Variants in CA1 observed in about 807,000 individuals in gnomAD.
The protein encoded by CA1 is carbonic anhydrase 1, also known as carbonate dehydratase I.
CA1 carries 27 observed loss-of-function variants against 28.8 expected under a neutral mutation model. That is an observed-to-expected ratio of 0.94 (90% confidence interval 0.69 to 1.29). The LOEUF (loss-of-function observed/expected upper bound fraction) is 1.29, where lower values mean the gene tolerates loss of function less well. Among genes scored for constraint, CA1 ranks in the 50% most tolerant of loss-of-function variants. The probability of loss-of-function intolerance (pLI) is 0.00; values close to 1 mark genes in which losing one functional copy is unlikely to be tolerated. For missense variants in CA1, 335 were observed against 310.5 expected (o/e 1.08, Z -0.59); for synonymous variants, 121 against 108.8 (o/e 1.11, Z -0.70).
At chr8:85,343,355 G>A (rs1374536198) in intron 1 of CA1, 1 of 152,192 alleles carries the variant, frequency 6.6e-6, no homozygotes, top group East Asian at 1.9e-4. Context: ...TTTAAACCTA[G>A]ATCTGTGTAA....
chr8:85,332,266 T>A (rs995365558), intron 6 of CA1: 4 of 491,618 alleles, frequency 8.1e-6, no homozygotes, highest in Non-Finnish European at 1.5e-5. Context: ...GGCCATATTC[T>A]GCTGAAATAA....
At chr8:85,366,933 C>A (rs182821306) in intron 1 of CA1, among the ~76,000 whole-genome samples, 1 of 152,022 alleles carries the variant, frequency 6.6e-6, no homozygotes, top group Admixed American at 6.6e-5. Context: ...TAAAAGATGA[C>A]AGATTGTTAA....
intron 1 of CA1, among the ~76,000 whole-genome samples, chr8:85,372,766 T>C (rs897893381): frequency 2.6e-5 from 4 of 152,180 alleles, no homozygotes; most frequent in African/African-American, 9.6e-5. Context: ...TGATGACATC[T>C]CACAGCATCC....
intron 4 of CA1, among the ~76,000 whole-genome samples, chr8:85,335,011 G>T (rs567206117): frequency 1.6e-5 from 1 of 62,438 alleles, no homozygotes; most frequent in African/African-American, 1.4e-4. Flanking sequence ...AATAAATAAC[G>T]ACAAAAAATA....
intron 2 of CA1, among the ~76,000 whole-genome samples, chr8:85,340,071 C>A (rs78030391): frequency 3.9e-5 from 6 of 152,206 alleles, no homozygotes; most frequent in Admixed American, 3.9e-4. Flanking sequence ...AAGGTGACTA[C>A]ACTAAACAAC....
In CA1 at chr8:85,349,254, G is replaced by A. The variant is rs188786629; in HGVS notation, c.-24-7595C>T. 4.1e-3 allele frequency among the ~76,000 whole-genome samples: 625 copies of A among 152,084 alleles called. 4 individuals carry two copies. Among genetic ancestry groups the A allele is most frequent in the African/African-American group, 0.014 (593 of 41,492 alleles). ...TTAATTTGTAACTTTTAAGAAGTTCGGAGGCTGAGAAAAACAAATATCAGT... is the reference window on the plus strand; with the variant it reads ...TTAATTTGTAACTTTTAAGAAGTTCAGAGGCTGAGAAAAACAAATATCAGT... On this transcript the variant is annotated intron_variant, in intron 1 of 7. Coordinates refer to ENST00000523022, the MANE Select transcript of CA1 (RefSeq NM_001128831.4).
rs139959399 is a variant in CA1, at chr8:85,328,663, C to A, written c.683G>T (p.Arg228Leu). The A allele has an allele frequency of 1.2e-6, 2 of 1,600,986 alleles. No individual in the cohort carries two copies. The highest frequency in any genetic ancestry group is 3.3e-5 in the Admixed American group (2 of 59,788). The change falls in exon 8 of 8, where the codon CGC (arginine) becomes CTC (leucine). Residue 228 changes from arginine (R) to leucine (L), a missense_variant. Transcript: ENST00000523022. ...ACCTTCAACATTTGATAGAAGGCTG[C>A]GGAATTGTGCCAGCTAGAAGGATAA... ...SVSSEQLAQF[R>L]SLLSNVEGDN...
chr8:85,357,462 G>T (rs1809645253), intron 1 of CA1, among the ~76,000 whole-genome samples: 1 of 152,150 alleles, frequency 6.6e-6, no homozygotes, highest in African/African-American at 2.4e-5. Context: ...TGTGGCGAGG[G>T]TTAATGATAA....
chr8:85,342,179 A>T (rs956274005), intron 1 of CA1, among the ~76,000 whole-genome samples: 2 of 152,092 alleles, frequency 1.3e-5, no homozygotes, highest in African/African-American at 4.8e-5. Flanking sequence ...ATTTATAATG[A>T]TACATTTTAT....
At position 85,329,833 on chromosome 8, in the gene CA1, G is replaced by A; in HGVS notation, c.525C>T (p.Ala175=). ...LQAIKTKGKR[A]PFTNFDPSTL... is the part of the protein sequence containing the mutation. ...TAGAGGGGTCAAAATTTGTGAATGG[G>A]GCTCGTTTGCCCTGGAAGAAAAGAA... The change falls in exon 7 of 8, where the codon GCC becomes GCT. Residue 175 remains alanine, a synonymous_variant. Coordinates refer to ENST00000523022, the MANE Select transcript of CA1 (RefSeq NM_001128831.4). The A allele has an allele frequency of 6.3e-7, 1 of 1,591,106 alleles. No individual in the cohort carries two copies. Among genetic ancestry groups the A allele is most frequent in the South Asian group, 1.1e-5 (1 of 88,188 alleles).
chr8:85,329,201 C>T (rs538565809), intron 7 of CA1, among the ~76,000 whole-genome samples: 5 of 152,058 alleles, frequency 3.3e-5, no homozygotes, highest in South Asian at 2.1e-4. Context: ...ATGTAAGGCA[C>T]GTAATAAACA....
intron 1 of CA1, among the ~76,000 whole-genome samples, chr8:85,368,162 T>G (rs1810081820): frequency 6.6e-6 from 1 of 151,468 alleles, no homozygotes; most frequent in African/African-American, 2.4e-5. Flanking sequence ...TTTAAAATAG[T>G]AATAATAATA....
rs748116696 is a variant in CA1, at chr8:85,329,723, A to G, written c.635T>C (p.Ile212Thr). 2.7e-5 allele frequency: 43 copies of G among 1,610,434 alleles called. No homozygotes were observed. Among genetic ancestry groups the G allele is most frequent in the Non-Finnish European group, 3.5e-5 (41 of 1,178,154 alleles). ...GCTGACACTGATGCTCTCCTTACAG[A>G]TGATCCAAGTTACACTCTCATAAAG... ...PPLYESVTWI[I>T]CKESISVSSE... Residue 212 changes from isoleucine to threonine, a missense_variant, in exon 7 of 8, where the codon ATC becomes ACC. Coordinates refer to ENST00000523022, the MANE Select transcript of CA1 (RefSeq NM_001128831.4).
intron 6 of CA1, among the ~76,000 whole-genome samples, chr8:85,331,286 T>A (rs1352557747): frequency 1.3e-5 from 2 of 152,090 alleles, no homozygotes; most frequent in Non-Finnish European, 2.9e-5. Context: ...TCTATATCTT[T>A]AGTCACAACC....
intron 5 of CA1, among the ~76,000 whole-genome samples, 184 bp from the exon 6 acceptor site, chr8:85,332,736 A>AT (rs1808462754): frequency 4.6e-5 from 7 of 152,172 alleles, no homozygotes; most frequent in Non-Finnish European, 1.0e-4. Context: ...TAAATTGTTT[A>AT]TAATATGTAC....
chr8:85,353,959 C>T (rs935491981), intron 1 of CA1, among the ~76,000 whole-genome samples: 17 of 149,176 alleles, frequency 1.1e-4, no homozygotes, highest in African/African-American at 4.2e-4. Context: ...GTAATACATA[C>T]TTTTTTTTTT....
At chr8:85,363,319 G>C (rs541203986) in intron 1 of CA1, among the ~76,000 whole-genome samples, 48 of 152,252 alleles carry the variant, frequency 3.2e-4, no homozygotes, top group Admixed American at 1.3e-3. Context: ...TGCTGTTGAG[G>C]GCTCCGCTTG....
chr8:85,333,762 A>C, intron 4 of CA1, 142 bp from the exon 5 acceptor site: 2 of 644,102 alleles, frequency 3.1e-6, no homozygotes, highest in Non-Finnish European at 5.7e-6. Flanking sequence ...AGTGGATTAG[A>C]AGAGTTACAT....
At chr8:85,375,165 G>C (rs1416626006) in intron 1 of CA1, among the ~76,000 whole-genome samples, 1 of 152,090 alleles carries the variant, frequency 6.6e-6, no homozygotes, top group African/African-American at 2.4e-5. Context: ...TGCCACCTCT[G>C]CCTAAGTCTG....
Sources: gnomAD v4.1 joint callset for allele counts (sites outside exome capture counted in the v4.1 genomes callset) on GRCh38, gnomAD v4.1.1 for gene constraint, MANE v1.5 for transcripts, NCBI Gene and HGNC (gene_info 2026-07-23, HGNC 2026-07-21) for gene names.